Variants in PRELID2 observed in about 807,000 individuals in gnomAD.
PRELID2 encodes PRELI domain-containing protein 2.
A neutral mutation model predicts 28.4 loss-of-function variants in PRELID2; 25 were observed. That is an observed-to-expected ratio of 0.88 (90% CI 0.64 to 1.23). The LOEUF (loss-of-function observed/expected upper bound fraction) is 1.23, where lower values mean the gene tolerates loss of function less well. Ranked by LOEUF, PRELID2 falls within the 50% of genes most tolerant of loss-of-function variation. The pLI, the probability that PRELID2 is intolerant of heterozygous loss-of-function variation, is 0.00. For missense variants in PRELID2, 201 were observed against 214.4 expected, an observed-to-expected ratio of 0.94 and a Z score of 0.39; for synonymous variants, 76 against 71.6, an observed-to-expected ratio of 1.06 and a Z score of -0.31.
At chr5:145,821,191 T>TGTGTGTGTGTGTG (rs1561649985) in intron 2 of PRELID2, among the ~76,000 whole-genome samples, 17 of 31,376 alleles carry the variant, frequency 5.4e-4, no homozygotes, top group Non-Finnish European at 7.0e-4. Context: ...GTAAGTCCTC[T>TGTGTGTGTGTGTG]TCTGTGTGTG....
chr5:145,352,229 G>A, the PRELID2 span, among the ~76,000 whole-genome samples: 1 of 152,166 alleles, frequency 6.6e-6, no homozygotes, highest in Non-Finnish European at 1.5e-5. Flanking sequence ...TTCTCCATGA[G>A]GGCCTCACCT....
At chr5:145,654,776 A>C (rs949570401) in intron 1 of PRELID2, among the ~76,000 whole-genome samples, 32 of 152,218 alleles carry the variant, frequency 2.1e-4, no homozygotes, top group Admixed American at 5.9e-4. Context: ...TTTATGACAA[A>C]CCCACAGCCA....
intron 4 of PRELID2, among the ~76,000 whole-genome samples, chr5:145,813,319 T>G (rs1754078470): frequency 6.6e-6 from 1 of 152,220 alleles, no homozygotes; most frequent in Non-Finnish European, 1.5e-5. Context: ...CCCATCCCAT[T>G]ACCCATTCAT....
At chr5:145,689,561 A>G (rs1183020881) in intron 1 of PRELID2, among the ~76,000 whole-genome samples, 1 of 152,194 alleles carries the variant, frequency 6.6e-6, no homozygotes, top group Non-Finnish European at 1.5e-5. Context: ...GAGCTGAGAA[A>G]CAATAGCTTA....
chr5:145,826,134 C>T (rs1051750465), intron 1 of PRELID2: 10 of 985,420 alleles, frequency 1.0e-5, no homozygotes, highest in Non-Finnish European at 1.2e-5. Context: ...TGTGTTCACG[C>T]AGGGTGCTAT....
At chr5:145,416,621 C>G in the PRELID2 span, among the ~76,000 whole-genome samples, 1 of 152,052 alleles carries the variant, frequency 6.6e-6, no homozygotes, top group African/African-American at 2.4e-5. Flanking sequence ...AGACAATGTA[C>G]CTGAATCTCT....
the PRELID2 span, among the ~76,000 whole-genome samples, chr5:145,401,169 C>T: frequency 6.6e-6 from 1 of 151,940 alleles, no homozygotes. Context: ...TTTCAAGGAC[C>T]TAAAAATGTG....
the PRELID2 span, among the ~76,000 whole-genome samples, chr5:145,332,397 G>A: frequency 2.0e-5 from 3 of 152,068 alleles, no homozygotes; most frequent in East Asian, 3.9e-4. Flanking sequence ...TCACTTTCAG[G>A]TACACCAATC....
At chr5:145,713,416 TTA>T (rs933590756) in intron 1 of PRELID2, among the ~76,000 whole-genome samples, 2 of 142,174 alleles carry the variant, frequency 1.4e-5, no homozygotes, top group African/African-American at 5.2e-5. Context: ...TATATATACT[TTA>T]TATATATCTG....
At chr5:145,317,434 C>T in the PRELID2 span, among the ~76,000 whole-genome samples, 4 of 152,190 alleles carry the variant, frequency 2.6e-5, no homozygotes, top group Admixed American at 6.5e-5. Flanking sequence ...TGTAGACCAG[C>T]TTGTGCTGTT....
rs532704356 is a variant in PRELID2 at position 145,695,412 on chromosome 5, A to G, written n.70+69519T>C. Reference sequence around the variant, plus strand: ...TGGACTAGGAAGCAATTGGTAGGGAAGGGAGAATAAGGTAGAGAGAAGCCA... The same window carrying G: ...TGGACTAGGAAGCAATTGGTAGGGAGGGGAGAATAAGGTAGAGAGAAGCCA... On this transcript the variant is annotated intron_variant and non_coding_transcript_variant, in intron 1 of 2. Coordinates refer to the PRELID2 transcript ENST00000510259. 5.3e-5 allele frequency among the ~76,000 whole-genome samples: 8 copies of G among 152,380 alleles called. No individual in the cohort carries two copies. In the South Asian group the frequency reaches 1.7e-3, roughly 32 times the overall value.
At position 145,505,586 on chromosome 5, in the gene PRELID2, G is replaced by A. The variant is rs550455409; in HGVS notation, n.71-32271C>T. 1.7e-4 allele frequency among the ~76,000 whole-genome samples: 26 copies of A among 152,162 alleles called. No homozygotes were observed. In the East Asian group the frequency reaches 2.5e-3, roughly 15 times the overall value. ...ATCAGATCATATGACTCTCCAGCTC[G>A]AAATCCTCATACTTGGAATAAAATG... On this transcript the variant is annotated intron_variant and non_coding_transcript_variant, in intron 1 of 2. Coordinates refer to the PRELID2 transcript ENST00000510259.
At chr5:145,395,598 G>T in the PRELID2 span, among the ~76,000 whole-genome samples, 1 of 152,110 alleles carries the variant, frequency 6.6e-6, no homozygotes, top group Non-Finnish European at 1.5e-5. Flanking sequence ...ACCTTGTTGC[G>T]TGGTATTGAG....
intron 1 of PRELID2, among the ~76,000 whole-genome samples, chr5:145,554,430 AT>A (rs1377177275): frequency 6.6e-6 from 1 of 152,218 alleles, no homozygotes; most frequent in Non-Finnish European, 1.5e-5. Context: ...GCTAACAGGA[AT>A]CATTTTTAAA....
At chr5:145,739,943 AT>A (rs1299281113) in intron 1 of PRELID2, among the ~76,000 whole-genome samples, 14 of 119,320 alleles carry the variant, frequency 1.2e-4, no homozygotes, top group Non-Finnish European at 1.9e-4. Flanking sequence ...AAAGAAAAAA[AT>A]AGGACAAATA....
intron 5 of PRELID2, among the ~76,000 whole-genome samples, chr5:145,785,232 G>C (rs750630752): frequency 1.3e-5 from 2 of 152,172 alleles, no homozygotes; most frequent in Non-Finnish European, 2.9e-5. Context: ...TTTAGGGTCT[G>C]AGAGAGAAAA....
intron 1 of PRELID2, among the ~76,000 whole-genome samples, chr5:145,749,022 C>A (rs2149749457): frequency 6.6e-6 from 1 of 152,238 alleles, no homozygotes; most frequent in East Asian, 1.9e-4. Context: ...CAAAAAAACT[C>A]CAGAAGAAAA....
At chr5:145,310,997 T>C in the PRELID2 span, among the ~76,000 whole-genome samples, 12 of 152,322 alleles carry the variant, frequency 7.9e-5, no homozygotes, top group South Asian at 2.5e-3. Flanking sequence ...TGTCTTTCAA[T>C]CTCTTCCTCT....
At chr5:145,801,341 G>A (rs1324039200) in intron 4 of PRELID2, among the ~76,000 whole-genome samples, 5 of 151,944 alleles carry the variant, frequency 3.3e-5, no homozygotes, top group Non-Finnish European at 4.4e-5. Context: ...ATGTAATCTC[G>A]TTTCTTTGTA....
Sources: gnomAD v4.1 joint callset for allele counts (sites outside exome capture counted in the v4.1 genomes callset) on GRCh38, gnomAD v4.1.1 for gene constraint, MANE v1.5 for transcripts, NCBI Gene and HGNC (gene_info 2026-07-23, HGNC 2026-07-21) for gene names.